HS2ST1: variants seen among roughly 807,000 people sequenced by gnomAD.
HS2ST1 encodes the protein heparan sulfate 2-O-sulfotransferase 1.
Under a neutral mutation model 42.9 loss-of-function variants are expected in HS2ST1, and 18 were observed. That is an observed-to-expected ratio of 0.42 (90% CI 0.29 to 0.62). HS2ST1 has a LOEUF of 0.62. Among genes scored for constraint, HS2ST1 ranks in the 20% least tolerant of loss-of-function variants. HS2ST1 has a pLI of 0.21. For missense variants in HS2ST1, 334 were observed against 433.8 expected (o/e 0.77, Z 2.04); for synonymous variants, 146 against 152.9 (o/e 0.95, Z 0.33).
rs371884096 is a variant in HS2ST1 at position 86,957,667 on chromosome 1, T to TA, written c.124+42516dup. Among the ~76,000 whole-genome samples the TA allele has an allele frequency of 8.6e-5, 13 of 151,402 alleles. No individual in the cohort carries two copies. In the East Asian group the frequency reaches 1.4e-3, roughly 16 times the overall value. On this transcript the variant is annotated intron_variant, in intron 1 of 6. Transcript: ENST00000370550. Reference sequence around the variant, plus strand: ...ACAAGTTACTTCATTTGAGCTCACTTAAAAAAAAATGTAATAATGTACTAA... The same window carrying TA: ...ACAAGTTACTTCATTTGAGCTCACTTAAAAAAAAAATGTAATAATGTACTAA...
At chr1:87,073,993 C>T (rs1202603763) in intron 2 of HS2ST1, among the ~76,000 whole-genome samples, 1 of 152,180 alleles carries the variant, frequency 6.6e-6, no homozygotes, top group African/African-American at 2.4e-5. Flanking sequence ...TGTTTGAAAG[C>T]AGTGAACTTG....
chr1:86,953,930 G>A lies in HS2ST1; in HGVS notation c.124+38770G>A, dbSNP rs4656128. 2.5e-3 allele frequency among the ~76,000 whole-genome samples: 374 copies of A among 151,108 alleles called. 5 individuals carry two copies. The highest frequency in any genetic ancestry group is 0.022 in the Admixed American group (340 of 15,128). On this transcript the variant is annotated intron_variant, in intron 1 of 6. Coordinates refer to ENST00000370550, the MANE Select transcript of HS2ST1 (RefSeq NM_012262.4). ...GGAAAATGGGGAATGGCTGGTCTGCGGAACAGTCAGAAAACACACAACTTG... is the reference window on the plus strand; with the variant it reads ...GGAAAATGGGGAATGGCTGGTCTGCAGAACAGTCAGAAAACACACAACTTG...
In HS2ST1 at chr1:87,108,163, G is replaced by T. The variant is rs1319393201; in HGVS notation, c.*3467G>T. Reference sequence around the variant, plus strand: ...TGTTAGAAAACAGTTTGTAGACAATGATTCTTTTTTAATAAAATCAAATAA... The same window carrying T: ...TGTTAGAAAACAGTTTGTAGACAATTATTCTTTTTTAATAAAATCAAATAA... On this transcript the variant is annotated 3_prime_UTR_variant, in exon 7 of 7. Transcript: ENST00000370550. 4 of 152,170 alleles carry T rather than the reference G, an allele frequency of 2.6e-5. No homozygotes were observed. The South Asian group carries it at 6.2e-4, about 24-fold the overall frequency. 9.4% of individuals were successfully genotyped at this position (152,170 alleles called of 1,614,324 possible). A position where few individuals can be genotyped will look rare whatever the true frequency, so the allele number is the denominator to read the frequency against.
rs561647289 is a variant in HS2ST1, at chr1:86,915,150, C to T, written c.114C>T (p.Arg38=). The T allele has an allele frequency of 1.2e-6, 2 of 1,613,440 alleles. No individual in the cohort carries two copies. The highest frequency in any genetic ancestry group is 3.3e-5 in the Admixed American group (2 of 59,948). The change falls in exon 1 of 7, where the codon CGC becomes CGT. Residue 38 remains arginine (R), a synonymous_variant. Transcript: ENST00000370550. ...AGATCCAGAAACTGGAGGAGTCCCG[C>T]TCGAAGCTAGGTGAGGAACTGAACT... ...ENQIQKLEES[R]SKLERAIARH...
At chr1:86,965,161 A>G (rs1038309981) in intron 1 of HS2ST1, among the ~76,000 whole-genome samples, 2 of 152,216 alleles carry the variant, frequency 1.3e-5, no homozygotes, top group Non-Finnish European at 2.9e-5. Flanking sequence ...GGAAATCAGG[A>G]TGACTGGAAA....
At chr1:86,919,665 T>A (rs1263320352) in intron 1 of HS2ST1, among the ~76,000 whole-genome samples, 1 of 152,210 alleles carries the variant, frequency 6.6e-6, no homozygotes, top group Non-Finnish European at 1.5e-5. Flanking sequence ...TCCCTGAAAT[T>A]ATATACATAA....
Position 87,106,411 on chromosome 1 carries a change from CATT to C in HS2ST1, c.*1722_*1724del, listed in dbSNP as rs1204180382. On this transcript the variant is annotated 3_prime_UTR_variant, in exon 7 of 7. Transcript: ENST00000370550. ...GAAAGCTGTTTCTGTTTTCATTTTA[CATT>C]ATTATTCAGAAATGGTAGCTATTCT... 1.3e-5 allele frequency: 2 copies of C among 151,994 alleles called. No homozygotes were observed. The highest frequency in any genetic ancestry group is 3.9e-4 in the East Asian group (2 of 5,194). The allele number at this position is 151,994 out of a possible 1,614,324, so 9.4% of individuals were successfully genotyped here. A position where few individuals can be genotyped will look rare whatever the true frequency, so the allele number is the denominator to read the frequency against.
At chr1:87,063,368 G>A (rs770923611) in intron 1 of HS2ST1, among the ~76,000 whole-genome samples, 3 of 151,938 alleles carry the variant, frequency 2.0e-5, no homozygotes, top group Admixed American at 6.6e-5. Context: ...ACAAAGTCTC[G>A]CTCTGTTGCC....
At position 87,015,912 on chromosome 1, in the gene HS2ST1, G is replaced by A. The variant is rs186714202; in HGVS notation, c.125-57022G>A. 9.9e-5 allele frequency among the ~76,000 whole-genome samples: 15 copies of A among 151,912 alleles called. No homozygotes were observed. The East Asian group carries it at 1.6e-3, about 16-fold the overall frequency. ...GCTCACTGCAACCTCCAACTCCTGG[G>A]TTTAATCGATTCTCCTGCCTCAGCC... On this transcript the variant is annotated intron_variant, in intron 1 of 6. Transcript: ENST00000370550.
intron 1 of HS2ST1, among the ~76,000 whole-genome samples, chr1:86,921,081 CA>C (rs1311488188): frequency 7.0e-6 from 1 of 142,510 alleles, no homozygotes; most frequent in Non-Finnish European, 1.5e-5. Context: ...ACAGTTTTGT[CA>C]ATTACAAATA....
At chr1:87,001,616 A>G (rs573158493) in intron 1 of HS2ST1, among the ~76,000 whole-genome samples, 1 of 152,288 alleles carries the variant, frequency 6.6e-6, no homozygotes, top group South Asian at 2.1e-4. Context: ...TGGTATTACT[A>G]TTGTAGTTTT....
intron 1 of HS2ST1, among the ~76,000 whole-genome samples, chr1:86,948,406 G>A (rs978436081): frequency 2.0e-5 from 3 of 152,058 alleles, no homozygotes; most frequent in African/African-American, 7.2e-5. Flanking sequence ...CTCCCACTTC[G>A]GCCTGAGTCT....
chr1:87,050,702 G>A (rs1028650127), intron 1 of HS2ST1, among the ~76,000 whole-genome samples: 12 of 152,054 alleles, frequency 7.9e-5, no homozygotes, highest in African/African-American at 2.9e-4. Flanking sequence ...GTTATACCCT[G>A]TAATCTATTT....
chr1:87,024,514 A>C (rs1356262860), intron 1 of HS2ST1, among the ~76,000 whole-genome samples: 1 of 151,870 alleles, frequency 6.6e-6, no homozygotes, highest in East Asian at 1.9e-4. Flanking sequence ...GAAAAAAAAA[A>C]AAAAAACAGG....
At chr1:87,084,315 TTGTACTC>T (rs778356563) in intron 3 of HS2ST1, 36 bp downstream of exon 3, 1 of 1,151,838 alleles carries the variant, frequency 8.7e-7, no homozygotes, top group South Asian at 1.3e-5. Context: ...AAAGAATGCT[TTGTACTC>T]TAGTAACCTA....
intron 1 of HS2ST1, among the ~76,000 whole-genome samples, chr1:86,938,737 A>T (rs917904392): frequency 2.0e-5 from 3 of 152,202 alleles, no homozygotes; most frequent in African/African-American, 7.2e-5. Flanking sequence ...AGTTTTTCAC[A>T]GTCTCAGAAA....
chr1:87,100,316 C>G (rs1483270986), intron 5 of HS2ST1, among the ~76,000 whole-genome samples: 3 of 152,170 alleles, frequency 2.0e-5, no homozygotes, highest in Non-Finnish European at 4.4e-5. Flanking sequence ...TTATGCTCCC[C>G]CAGAGTGGTG....
chr1:86,984,689 C>T (rs1648704132), intron 1 of HS2ST1, among the ~76,000 whole-genome samples: 1 of 151,810 alleles, frequency 6.6e-6, no homozygotes, highest in African/African-American at 2.4e-5. Context: ...AGTTGGAGAC[C>T]AGCTTGGCCA....
At chr1:86,958,031 A>G (rs1647724154) in intron 1 of HS2ST1, among the ~76,000 whole-genome samples, 1 of 152,092 alleles carries the variant, frequency 6.6e-6, no homozygotes, top group African/African-American at 2.4e-5. Flanking sequence ...GACCACGGTG[A>G]TCCACCCGCC....
Sources: allele counts gnomAD v4.1 joint callset (sites outside exome capture counted in the v4.1 genomes callset), GRCh38; gene constraint gnomAD v4.1.1; transcripts MANE v1.5; gene names NCBI Gene and HGNC (gene_info 2026-07-23, HGNC 2026-07-21).